The following NEGR1 variants were observed in gnomAD, a reference collection of about 807,000 sequenced individuals.
NEGR1 encodes the protein IgLON family member 4.
Under a neutral mutation model 40.9 loss-of-function variants are expected in NEGR1, and 10 were observed. The ratio of observed to expected loss-of-function variants is 0.24; its 90% CI spans 0.15 to 0.42. NEGR1 has a LOEUF of 0.42. Ranked by LOEUF, NEGR1 falls within the 10% of genes least tolerant of loss-of-function variation. The pLI is 1.00. For synonymous variants in NEGR1, 185 were observed against 166.8 expected (o/e 1.11, Z -0.84); for missense variants, 352 against 438.9 (o/e 0.80, Z 1.77).
intron 2 of NEGR1, among the ~76,000 whole-genome samples, chr1:71,931,209 T>C (rs2101894222): frequency 6.6e-6 from 1 of 152,326 alleles, no homozygotes; most frequent in East Asian, 1.9e-4. Flanking sequence ...TATGTGCTAG[T>C]CAAATCTCCT....
Position 71,409,061 on chromosome 1 carries a change from C to T in NEGR1, c.941-1491G>A, listed in dbSNP as rs189012153. ...CTACTATTTTTTAATAAACAAAGAGCAAAATTAACTATTTAATGCATGTGT... is the reference window on the plus strand; with the variant it reads ...CTACTATTTTTTAATAAACAAAGAGTAAAATTAACTATTTAATGCATGTGT... On this transcript the variant is annotated intron_variant, in intron 6 of 6. Transcript: ENST00000357731. 46 of 151,900 alleles carry T rather than the reference C, an allele frequency of 3.0e-4. No individual in the cohort carries two copies. The East Asian group carries it at 7.9e-3, about 26-fold the overall frequency. 9.4% of individuals were successfully genotyped at this position (151,900 alleles called of 1,614,324 possible).
intron 1 of NEGR1, among the ~76,000 whole-genome samples, chr1:72,013,062 G>A (rs1435575210): frequency 6.6e-6 from 1 of 151,868 alleles, no homozygotes; most frequent in Admixed American, 6.6e-5. Flanking sequence ...TTAATGTATA[G>A]AAGCTTATAA....
At chr1:71,523,941 T>C (rs1028351698) in intron 6 of NEGR1, among the ~76,000 whole-genome samples, 15 of 151,958 alleles carry the variant, frequency 9.9e-5, no homozygotes, top group African/African-American at 3.4e-4. Flanking sequence ...AGAGGGCTCA[T>C]ATTCTAAGTA....
intron 1 of NEGR1, among the ~76,000 whole-genome samples, chr1:72,026,675 C>T (rs1159920290): frequency 1.3e-5 from 2 of 152,082 alleles, no homozygotes; most frequent in African/African-American, 4.8e-5. Context: ...AACTGCATAA[C>T]TACAAAACTG....
At chr1:71,641,962 T>C (rs1358728417) in intron 4 of NEGR1, among the ~76,000 whole-genome samples, 1 of 152,034 alleles carries the variant, frequency 6.6e-6, no homozygotes, top group Non-Finnish European at 1.5e-5. Context: ...TTCTTTAGGA[T>C]GATCCATATG....
chr1:72,080,171 C>T (rs1156672877), intron 1 of NEGR1, among the ~76,000 whole-genome samples: 2 of 152,064 alleles, frequency 1.3e-5, no homozygotes, highest in Non-Finnish European at 2.9e-5. Flanking sequence ...GAATATAATA[C>T]ATCCCTCTAA....
rs1322843287 is a variant in NEGR1, at chr1:71,404,382, C to G, written c.*3064G>C. ...GGCAGTACTTTTTATTATATAATTG[C>G]TGCATAATAGGAACTTAATGGTATA... On this transcript the variant is annotated 3_prime_UTR_variant, in exon 7 of 7. Transcript: ENST00000357731. 6.6e-6 allele frequency: 1 copy of G among 151,984 alleles called. No homozygotes were observed. Among genetic ancestry groups the G allele is most frequent in the Non-Finnish European group, 1.5e-5 (1 of 67,696 alleles). The allele number at this position is 151,984 out of a possible 1,614,324, so 9.4% of individuals were successfully genotyped here. A position where few individuals can be genotyped will look rare whatever the true frequency, so the allele number is the denominator to read the frequency against.
rs190052707 is a variant in NEGR1 at position 72,197,448 on chromosome 1, G to A, written c.176+84871C>T. ...AAAAATAACTGTTTTAGTCTATCAC[G>A]TAACTTGATAGCCAATGAGCTATCT... On this transcript the variant is annotated intron_variant, in intron 1 of 6. Transcript: ENST00000357731. 2.1e-4 allele frequency among the ~76,000 whole-genome samples: 32 copies of A among 151,942 alleles called. 1 individual carries two copies. Among genetic ancestry groups the A allele is most frequent in the Admixed American group, 1.9e-3 (29 of 15,222 alleles).
chr1:71,705,656 C>T (rs1653863721), intron 3 of NEGR1, among the ~76,000 whole-genome samples: 2 of 151,926 alleles, frequency 1.3e-5, no homozygotes, highest in South Asian at 4.1e-4. Flanking sequence ...GGAGGCAGAG[C>T]TTGCAACGAG....
chr1:71,943,306 A>G (rs940462269), intron 1 of NEGR1, among the ~76,000 whole-genome samples: 1 of 150,434 alleles, frequency 6.6e-6, no homozygotes, highest in African/African-American at 2.4e-5. Context: ...ATATTTACAC[A>G]TGTGTGTATA....
At chr1:71,640,763 T>G (rs1651323089) in intron 4 of NEGR1, among the ~76,000 whole-genome samples, 1 of 152,054 alleles carries the variant, frequency 6.6e-6, no homozygotes, top group African/African-American at 2.4e-5. Context: ...AATGTCTAAC[T>G]ACTCTAACTT....
intron 3 of NEGR1, among the ~76,000 whole-genome samples, chr1:71,756,375 A>G (rs1655732193): frequency 6.8e-6 from 1 of 147,960 alleles, no homozygotes; most frequent in African/African-American, 2.5e-5. Context: ...TTCCCCTTAA[A>G]TCAAATGCCT....
intron 1 of NEGR1, among the ~76,000 whole-genome samples, chr1:72,219,717 T>C (rs746803736): frequency 1.3e-5 from 2 of 152,084 alleles, no homozygotes; most frequent in Non-Finnish European, 2.9e-5. Flanking sequence ...AGCCACAATA[T>C]TATCAATCCC....
intron 1 of NEGR1, among the ~76,000 whole-genome samples, chr1:72,073,216 C>T (rs1014243717): frequency 6.6e-6 from 1 of 152,004 alleles, no homozygotes; most frequent in South Asian, 2.1e-4. Flanking sequence ...CCTTTATGTG[C>T]CTTCTGAGGA....
chr1:71,820,055 C>A (rs182444819), intron 2 of NEGR1, among the ~76,000 whole-genome samples: 1 of 152,078 alleles, frequency 6.6e-6, no homozygotes, highest in African/African-American at 2.4e-5. Context: ...AGGGGCAATG[C>A]GTCATTGTCA....
intron 1 of NEGR1, among the ~76,000 whole-genome samples, chr1:72,057,941 T>C (rs1647126879): frequency 1.3e-5 from 2 of 151,504 alleles, no homozygotes; most frequent in South Asian, 2.1e-4. Flanking sequence ...TCCGCAAACA[T>C]AGTCACATTG....
chr1:71,940,451 T>C (rs1231753161), intron 1 of NEGR1, among the ~76,000 whole-genome samples: 1 of 152,232 alleles, frequency 6.6e-6, no homozygotes, highest in Non-Finnish European at 1.5e-5. Context: ...GTCATCTGGA[T>C]ATTTTGTGCA....
At chr1:71,778,700 G>A (rs539677145) in intron 2 of NEGR1, among the ~76,000 whole-genome samples, 2 of 152,218 alleles carry the variant, frequency 1.3e-5, no homozygotes, top group Admixed American at 1.3e-4. Flanking sequence ...ACTGATTCAA[G>A]GTTAGACAGA....
intron 6 of NEGR1, among the ~76,000 whole-genome samples, chr1:71,555,184 AT>A (rs1648216317): frequency 6.6e-6 from 1 of 151,502 alleles, no homozygotes; most frequent in Admixed American, 6.6e-5. Flanking sequence ...AATTGCCTAT[AT>A]TTTACATCAA....
Sources: gnomAD v4.1 joint callset for allele counts (sites outside exome capture counted in the v4.1 genomes callset) on GRCh38, gnomAD v4.1.1 for gene constraint, MANE v1.5 for transcripts, NCBI Gene and HGNC (gene_info 2026-07-23, HGNC 2026-07-21) for gene names.